JAK2: variants seen among roughly 807,000 people sequenced by gnomAD.
JAK2 encodes the protein Janus kinase 2.
JAK2 carries 86 observed loss-of-function variants against 139.3 expected under a neutral mutation model. That is an observed-to-expected ratio of 0.62 (90% CI 0.52 to 0.74). The LOEUF (loss-of-function observed/expected upper bound fraction) is 0.74, where lower values mean the gene tolerates loss of function less well. JAK2 is among the 30% of genes least tolerant of loss of function. The probability of loss-of-function intolerance (pLI) is 0.00; values close to 1 mark genes in which losing one functional copy is unlikely to be tolerated. For missense variants in JAK2, 1,421 were observed against 1,360.3 expected (o/e 1.04, Z -0.70); for synonymous variants, 490 against 437.7 (o/e 1.12, Z -1.49).
Position 5,127,572 on chromosome 9 carries a change from A to ACTAT in JAK2, c.*784_*787dup, listed in dbSNP as rs1586849851. On this transcript the variant is annotated 3_prime_UTR_variant, in exon 25 of 25. Coordinates refer to ENST00000381652, the MANE Select transcript of JAK2 (RefSeq NM_004972.4). Reference sequence around the variant, plus strand: ...GTGGTGAATGTGTTTTTTAAATGGAACTATCTCCAAATTTTTCTAAGACTA... The same window carrying ACTAT: ...GTGGTGAATGTGTTTTTTAAATGGAACTATCTATCTCCAAATTTTTCTAAGACTA... The ACTAT allele has an allele frequency of 8.6e-6, 2 of 231,486 alleles. No homozygotes were observed. The highest frequency in any genetic ancestry group is 4.4e-5 in the African/African-American group (2 of 45,244). The allele number at this position is 231,486 out of a possible 1,614,324, so 14.3% of individuals were successfully genotyped here.
At chr9:5,039,498 G>A (rs1197139125) in intron 4 of JAK2, among the ~76,000 whole-genome samples, 1 of 152,046 alleles carries the variant, frequency 6.6e-6, no homozygotes, top group South Asian at 2.1e-4. Flanking sequence ...GCAGATTTTG[G>A]TATGTGTGGG....
intron 2 of JAK2, among the ~76,000 whole-genome samples, chr9:4,996,586 G>A (rs1489173950): frequency 6.6e-6 from 1 of 151,574 alleles, no homozygotes; most frequent in African/African-American, 2.4e-5. Flanking sequence ...GAGGAGGGGC[G>A]GGGGTGATGT....
chr9:5,091,843 G>GTTGT (rs1055168756), intron 22 of JAK2, among the ~76,000 whole-genome samples: 4 of 152,068 alleles, frequency 2.6e-5, no homozygotes, highest in African/African-American at 7.2e-5. Context: ...GTACTTTAAG[G>GTTGT]TTGTTAGTTA....
chr9:5,050,685 G>C lies in JAK2; in HGVS notation c.469-1G>C. On this transcript the variant is annotated splice_acceptor_variant, in intron 5 of 24. Coordinates refer to ENST00000381652, the MANE Select transcript of JAK2 (RefSeq NM_004972.4). LOFTEE classifies it high-confidence loss of function. ...TATTTCCTTCAAATTTTTGGTTTTAGTGGCGGCATGATTTTGTGCACGGAT... is the reference window on the plus strand; with the variant it reads ...TATTTCCTTCAAATTTTTGGTTTTACTGGCGGCATGATTTTGTGCACGGAT... 1 of 1,610,342 alleles carries C rather than the reference G, an allele frequency of 6.2e-7. No homozygotes were observed. The highest frequency in any genetic ancestry group is 8.5e-7 in the Non-Finnish European group (1 of 1,178,848).
At chr9:4,984,824 T>G (rs890226440), upstream of JAK2, 8 of 152,140 alleles carry the variant, frequency 5.3e-5, no homozygotes, top group African/African-American at 1.9e-4. Flanking sequence ...CCCGCCCATC[T>G]AGTGAGGGCC....
chr9:5,044,561 A>G, intron 5 of JAK2, 41 bp downstream of exon 5: 1 of 1,225,292 alleles, frequency 8.2e-7, no homozygotes, highest in African/African-American at 1.5e-5. Context: ...GTTAAATGAT[A>G]AATATCTTGC....
Position 5,129,709 on chromosome 9 carries a change from A to C in JAK2, c.*2918A>C, listed in dbSNP as rs573854936. 6.6e-6 allele frequency among the ~76,000 whole-genome samples: 1 copy of C among 152,252 alleles called. No individual in the cohort carries two copies. Among genetic ancestry groups the C allele is most frequent in the South Asian group, 2.1e-4 (1 of 4,822 alleles). ...TTTTAGTTGGTTGGATTTAATATCA[A>C]GATAACTAGCTGCTAAGCGTTTCAT... On this transcript the variant is annotated 3_prime_UTR_variant, in exon 25 of 25. Coordinates refer to ENST00000381652, the MANE Select transcript of JAK2 (RefSeq NM_004972.4).
intron 22 of JAK2, among the ~76,000 whole-genome samples, chr9:5,102,560 C>T (rs12335663): frequency 0.33 from 50,786 of 151,858 alleles, 8,826 homozygotes; most frequent in African/African-American, 0.44. Context: ...AGATACTCCT[C>T]GAGAAGAGCA....
intron 4 of JAK2, among the ~76,000 whole-genome samples, chr9:5,031,797 A>T (rs760339513): frequency 2.9e-4 from 44 of 152,256 alleles, no homozygotes; most frequent in Non-Finnish European, 5.3e-4. Flanking sequence ...ATGACTGAAT[A>T]GGAACAGGTC....
At chr9:5,078,531 C>A (rs2130593277) in intron 16 of JAK2, 87 bp downstream of exon 16, 1 of 978,954 alleles carries the variant, frequency 1.0e-6, no homozygotes, top group Non-Finnish European at 1.5e-6. Context: ...TCCTTGAATT[C>A]CATTTAATTT....
intron 2 of JAK2, among the ~76,000 whole-genome samples, chr9:5,014,875 A>G (rs1821940440): frequency 6.6e-6 from 1 of 151,964 alleles, no homozygotes; most frequent in Non-Finnish European, 1.5e-5. Context: ...ATCTTGCAGA[A>G]GTAACCATTG....
At chr9:5,001,192 AT>A in intron 2 of JAK2, among the ~76,000 whole-genome samples, 1 of 152,192 alleles carries the variant, frequency 6.6e-6, no homozygotes, top group Non-Finnish European at 1.5e-5. Flanking sequence ...CTTTTATTTC[AT>A]TTTCTTACCA....
intron 2 of JAK2, among the ~76,000 whole-genome samples, chr9:4,989,227 C>T (rs1820117854): frequency 6.6e-6 from 1 of 152,170 alleles, no homozygotes; most frequent in African/African-American, 2.4e-5. Flanking sequence ...AAGCTGATTT[C>T]CACACTTTCT....
At chr9:5,002,197 C>T (rs1200723234) in intron 2 of JAK2, among the ~76,000 whole-genome samples, 20 of 151,430 alleles carry the variant, frequency 1.3e-4, no homozygotes, top group Admixed American at 1.3e-3. Context: ...TCTTTCTTCA[C>T]TCTCTGGTTT....
intron 14 of JAK2, among the ~76,000 whole-genome samples, chr9:5,074,366 C>A (rs1001409248): frequency 6.6e-6 from 1 of 152,094 alleles, no homozygotes; most frequent in Non-Finnish European, 1.5e-5. Flanking sequence ...TTACGGCAAC[C>A]CAGTGTCTAG....
Position 5,022,040 on chromosome 9 carries a change from C to T in JAK2, c.53C>T (p.Ser18Phe). 6.2e-7 allele frequency: 1 copy of T among 1,614,122 alleles called. No individual in the cohort carries two copies. The highest frequency in any genetic ancestry group is 8.5e-7 in the Non-Finnish European group (1 of 1,179,956). The change falls in exon 3 of 25, where the codon TCT becomes TTT. Residue 18 changes from serine (S) to phenylalanine (F), a missense_variant. Ser to Phe is a radical substitution (Grantham distance 155). Coordinates refer to ENST00000381652, the MANE Select transcript of JAK2 (RefSeq NM_004972.4). Reference sequence around the variant, plus strand: ...GAAATGGAGGGAACATCCACCTCTTCTATATATCAGAATGGTGATATTTCT... The same window carrying T: ...GAAATGGAGGGAACATCCACCTCTTTTATATATCAGAATGGTGATATTTCT... Reference protein sequence around the residue: ...MTEMEGTSTSSIYQNGDISGN... With the variant: ...MTEMEGTSTSFIYQNGDISGN...
intron 22 of JAK2, chr9:5,110,720 C>T: frequency 8.5e-6 from 3 of 351,084 alleles, no homozygotes; most frequent in South Asian, 4.6e-5. Flanking sequence ...TCCTTAACTG[C>T]TGGCTATAGT....
chr9:5,059,943 T>C (rs957592608), intron 8 of JAK2, among the ~76,000 whole-genome samples: 5 of 152,206 alleles, frequency 3.3e-5, no homozygotes, highest in African/African-American at 1.2e-4. Flanking sequence ...AAGTCTTTTG[T>C]AGGATGTTTG....
intron 8 of JAK2, among the ~76,000 whole-genome samples, chr9:5,056,344 T>A (rs543558603): frequency 1.3e-5 from 2 of 152,250 alleles, no homozygotes; most frequent in Admixed American, 1.3e-4. Flanking sequence ...ATTTTATACT[T>A]TGCTCTTAAG....
Sources: gnomAD v4.1 joint callset for allele counts (sites outside exome capture counted in the v4.1 genomes callset) on GRCh38, gnomAD v4.1.1 for gene constraint, MANE v1.5 for transcripts, NCBI Gene and HGNC (gene_info 2026-07-23, HGNC 2026-07-21) for gene names.